PDE3B: variants seen among roughly 807,000 people sequenced by gnomAD.
The protein encoded by PDE3B is phosphodiesterase 3B, also known as cGMP-inhibited 3',5'-cyclic phosphodiesterase 3B.
In PDE3B, 66 loss-of-function variants were observed where a neutral mutation model predicts 116.8. The ratio of observed to expected loss-of-function variants is 0.56; its 90% CI spans 0.46 to 0.69. PDE3B has a LOEUF of 0.69. PDE3B is among the 30% of genes least tolerant of loss of function. The pLI is 0.00. For missense variants in PDE3B, 1,384 were observed against 1,368.1 expected, an observed-to-expected ratio of 1.01 and a Z score of -0.18; for synonymous variants, 595 against 533.6, an observed-to-expected ratio of 1.12 and a Z score of -1.59.
At chr11:14,861,428 T>A (rs1555007165) in intron 14 of PDE3B, 62 bp downstream of exon 14, 3 of 1,469,174 alleles carry the variant, frequency 2.0e-6, no homozygotes. Flanking sequence ...CACTACTCTT[T>A]GGGTTTTGGA....
chr11:14,679,808 G>A (rs1189518535), intron 1 of PDE3B, among the ~76,000 whole-genome samples: 3 of 151,842 alleles, frequency 2.0e-5, no homozygotes, highest in African/African-American at 7.3e-5. Flanking sequence ...AACCCACCTA[G>A]CCTCCAGTTC....
intron 1 of PDE3B, among the ~76,000 whole-genome samples, chr11:14,681,027 A>G (rs1590057588): frequency 6.6e-6 from 1 of 152,222 alleles, no homozygotes; most frequent in East Asian, 1.9e-4. Context: ...CCAAAAACAT[A>G]TTTTTGGCTT....
intron 11 of PDE3B, among the ~76,000 whole-genome samples, chr11:14,837,232 C>T (rs959716667): frequency 3.3e-5 from 5 of 152,194 alleles, no homozygotes; most frequent in African/African-American, 9.6e-5. Flanking sequence ...GCTTTCTGTG[C>T]AGAACACACT....
At chr11:14,716,127 A>G (rs1217252836) in intron 1 of PDE3B, among the ~76,000 whole-genome samples, 1 of 152,170 alleles carries the variant, frequency 6.6e-6, no homozygotes, top group Admixed American at 6.5e-5. Flanking sequence ...GGGGTCAGGG[A>G]GTTCCCTTTC....
At chr11:14,891,879 G>T in the PDE3B span, 4 of 1,454,256 alleles carry the variant, frequency 2.8e-6, no homozygotes, top group Non-Finnish European at 2.8e-6. Context: ...GAGAGGTCCC[G>T]ACTAGTCGGC....
chr11:14,658,709 A>G (rs1853794704), intron 1 of PDE3B, among the ~76,000 whole-genome samples: 2 of 152,216 alleles, frequency 1.3e-5, no homozygotes, highest in Non-Finnish European at 2.9e-5. Flanking sequence ...TACATAATTT[A>G]AAAACTGAGC....
chr11:14,721,683 C>T (rs1381839614), intron 1 of PDE3B, among the ~76,000 whole-genome samples: 10 of 102,174 alleles, frequency 9.8e-5, no homozygotes, highest in South Asian at 3.8e-4. Flanking sequence ...AACAAAAAAC[C>T]AAACACCGCA....
intron 1 of PDE3B, among the ~76,000 whole-genome samples, chr11:14,727,294 T>G (rs921782164): frequency 6.6e-6 from 1 of 152,148 alleles, no homozygotes; most frequent in African/African-American, 2.4e-5. Context: ...ATGTGGGGTC[T>G]TTTGAAGAAA....
At chr11:14,872,704 C>A (rs1289417143), downstream of PDE3B, among the ~76,000 whole-genome samples, 8 of 152,188 alleles carry the variant, frequency 5.3e-5, no homozygotes, top group Admixed American at 4.6e-4. Context: ...ACCTCCTCAG[C>A]TATAAAAATC....
intron 1 of PDE3B, among the ~76,000 whole-genome samples, chr11:14,651,164 C>T (rs1189255054): frequency 6.6e-6 from 1 of 152,108 alleles, no homozygotes; most frequent in Non-Finnish European, 1.5e-5. Context: ...TGTCTTTCTC[C>T]TAGCTTCTGG....
At chr11:14,711,574 A>G (rs929116047) in intron 1 of PDE3B, among the ~76,000 whole-genome samples, 3 of 152,090 alleles carry the variant, frequency 2.0e-5, no homozygotes, top group Admixed American at 6.5e-5. Flanking sequence ...GGAGCAAGAG[A>G]GTCTGGTGCG....
chr11:14,853,165 T>A (rs1477770404), intron 12 of PDE3B, among the ~76,000 whole-genome samples: 1 of 152,136 alleles, frequency 6.6e-6, no homozygotes, highest in Non-Finnish European at 1.5e-5. Context: ...GTCACCTCCT[T>A]CCATCTAAAA....
intron 7 of PDE3B, among the ~76,000 whole-genome samples, chr11:14,829,954 C>G (rs144127767): frequency 2.0e-5 from 3 of 152,060 alleles, no homozygotes; most frequent in African/African-American, 7.2e-5. Context: ...GTCTTTCATA[C>G]GCTTTTGAAC....
At chr11:14,813,716 A>G (rs903295042) in intron 5 of PDE3B, among the ~76,000 whole-genome samples, 2 of 152,186 alleles carry the variant, frequency 1.3e-5, no homozygotes, top group South Asian at 2.1e-4. Context: ...TACCACAGCC[A>G]ATCTTACACA....
At chr11:14,693,992 G>T (rs1254854527) in intron 1 of PDE3B, among the ~76,000 whole-genome samples, 1 of 152,132 alleles carries the variant, frequency 6.6e-6, no homozygotes, top group Non-Finnish European at 1.5e-5. Context: ...TTTGGAAGAA[G>T]TTGATTCCAG....
chr11:14,730,128 C>G (rs1209192447), intron 1 of PDE3B, among the ~76,000 whole-genome samples: 1 of 152,182 alleles, frequency 6.6e-6, no homozygotes, highest in Admixed American at 6.5e-5. Context: ...GCTGTCTCTT[C>G]CACTGCTATC....
intron 1 of PDE3B, among the ~76,000 whole-genome samples, chr11:14,659,354 G>T (rs532846748): frequency 2.4e-4 from 37 of 152,274 alleles, no homozygotes; most frequent in African/African-American, 8.4e-4. Flanking sequence ...AACAAGTGTT[G>T]ATAGAACATT....
rs748708973 is a variant in PDE3B, at chr11:14,786,514, TC to T, written c.1109del (p.Pro370GlnfsTer17). Reference protein sequence around the residue: ...RNMVSDLLTDPSLPPQVISSL... With the variant: ...RNMVSDLLTDXSLPPQVISSL... ...ATATGGTGTCAGATCTTCTGACTGA[TC>T]CAAGCCTTCCACCACAAGTCATTTC... On this transcript the variant is annotated frameshift_variant, in exon 3 of 16. Transcript: ENST00000282096. LOFTEE classifies it high-confidence loss of function. The T allele has an allele frequency of 1.8e-5, 29 of 1,612,878 alleles. No homozygotes were observed. The highest frequency in any genetic ancestry group is 8.5e-7 in the Non-Finnish European group (1 of 1,179,144).
intron 1 of PDE3B, among the ~76,000 whole-genome samples, chr11:14,727,380 A>C (rs1856339225): frequency 6.6e-6 from 1 of 152,166 alleles, no homozygotes; most frequent in South Asian, 2.1e-4. Context: ...AGAGGATCTA[A>C]GGATCTGAGG....
Sources: gnomAD v4.1 joint callset for allele counts (sites outside exome capture counted in the v4.1 genomes callset) on GRCh38, gnomAD v4.1.1 for gene constraint, MANE v1.5 for transcripts, NCBI Gene and HGNC (gene_info 2026-07-23, HGNC 2026-07-21) for gene names.